TSPAN13: variants seen among roughly 807,000 people sequenced by gnomAD.
The protein encoded by TSPAN13 is tetraspanin 13.
A neutral mutation model predicts 26.9 loss-of-function variants in TSPAN13; 18 were observed. The ratio of observed to expected loss-of-function variants is 0.67; its 90% CI spans 0.46 to 0.99. The LOEUF (loss-of-function observed/expected upper bound fraction) is 0.99, where lower values mean the gene tolerates loss of function less well. TSPAN13 is among the 50% of genes least tolerant of loss of function. TSPAN13 has a pLI of 0.00. For missense variants in TSPAN13, 201 were observed against 249.6 expected (o/e 0.81, Z 1.31); for synonymous variants, 116 against 98.4 (o/e 1.18, Z -1.06).
At chr7:16,774,548 A>G (rs1279797284) in intron 1 of TSPAN13, among the ~76,000 whole-genome samples, 2 of 152,230 alleles carry the variant, frequency 1.3e-5, no homozygotes, top group African/African-American at 4.8e-5. Flanking sequence ...GAAGGGGCAG[A>G]GGACTTTTTC....
intron 1 of TSPAN13, among the ~76,000 whole-genome samples, chr7:16,771,266 A>G (rs1369023049): frequency 6.6e-6 from 1 of 152,214 alleles, no homozygotes; most frequent in African/African-American, 2.4e-5. Context: ...TCAGTGTTTT[A>G]AAATATTTGT....
At chr7:16,776,120 A>G in intron 1 of TSPAN13, 91 bp from the exon 2 acceptor site, 1 of 1,293,782 alleles carries the variant, frequency 7.7e-7, no homozygotes, top group Non-Finnish European at 1.1e-6. Context: ...AGGTGCCTGA[A>G]GGATATTGTT....
chr7:16,772,230 T>C (rs2115331622), intron 1 of TSPAN13, among the ~76,000 whole-genome samples: 1 of 152,274 alleles, frequency 6.6e-6, no homozygotes, highest in Non-Finnish European at 1.5e-5. Flanking sequence ...CCCAGCTACA[T>C]GATAAGGATT....
intron 4 of TSPAN13, among the ~76,000 whole-genome samples, chr7:16,778,445 C>A (rs1386218681): frequency 6.6e-6 from 1 of 152,228 alleles, no homozygotes; most frequent in African/African-American, 2.4e-5. Flanking sequence ...TCAGGCTTGG[C>A]TGGGTCCTTT....
chr7:16,777,229 C>A, intron 3 of TSPAN13, 107 bp downstream of exon 3: 2 of 761,754 alleles, frequency 2.6e-6, no homozygotes, highest in Non-Finnish European at 4.3e-6. Flanking sequence ...GCACAGAATG[C>A]CACCTTCACT....
At position 16,783,696 on chromosome 7, in the gene TSPAN13, T is replaced by C; in HGVS notation, c.*205T>C. ...AAAAATATTTGAAACTTGTGGTCTCTGAAGCTCGGTGGCACCTGGAATTTA... is the reference window on the plus strand; with the variant it reads ...AAAAATATTTGAAACTTGTGGTCTCCGAAGCTCGGTGGCACCTGGAATTTA... On this transcript the variant is annotated 3_prime_UTR_variant, in exon 6 of 6. Coordinates refer to ENST00000262067, the MANE Select transcript of TSPAN13 (RefSeq NM_014399.4). The C allele has an allele frequency of 3.5e-6, 2 of 570,248 alleles. No homozygotes were observed. Among genetic ancestry groups the C allele is most frequent in the Non-Finnish European group, 6.2e-6 (2 of 325,102 alleles). 35.3% of individuals were successfully genotyped at this position (570,248 alleles called of 1,614,324 possible).
intron 1 of TSPAN13, among the ~76,000 whole-genome samples, chr7:16,768,675 G>C (rs1055608411): frequency 1.3e-5 from 2 of 152,168 alleles, no homozygotes; most frequent in Non-Finnish European, 2.9e-5. Context: ...TTAAAGTAGA[G>C]TTTATGGTTT....
At position 16,777,111 on chromosome 7, in the gene TSPAN13, C is replaced by T; in HGVS notation, c.301C>T (p.Gln101Ter). ...SVSCACLALN[Q>*]EQQGQLLEVG... Reference sequence around the variant, plus strand: ...ATCTTGCGCTTGTTTAGCCCTGAACCAGGAGCAACAGGTAAGCTAAGACTT... The same window carrying T: ...ATCTTGCGCTTGTTTAGCCCTGAACTAGGAGCAACAGGTAAGCTAAGACTT... Residue 101 changes from glutamine (Q) to a stop codon, truncating the protein, a stop_gained, in exon 3 of 6, where the codon CAG becomes TAG. Transcript: ENST00000262067. LOFTEE classifies it high-confidence loss of function. 6.2e-7 allele frequency: 1 copy of T among 1,612,672 alleles called. No homozygotes were observed. The highest frequency in any genetic ancestry group is 8.5e-7 in the Non-Finnish European group (1 of 1,178,998).
At chr7:16,778,970 G>T in intron 4 of TSPAN13, 33 bp from the exon 5 acceptor site, 1 of 1,481,800 alleles carries the variant, frequency 6.7e-7, no homozygotes, top group South Asian at 1.2e-5. Flanking sequence ...AATGTATTTT[G>T]AAATAAAGGT....
At chr7:16,776,525 T>G (rs1310263012) in intron 2 of TSPAN13, 147 bp downstream of exon 2, 1 of 762,176 alleles carries the variant, frequency 1.3e-6, no homozygotes, top group African/African-American at 1.8e-5. Context: ...TAGAAACATT[T>G]CTTAGGGTAA....
chr7:16,769,263 G>A (rs1256556928), intron 1 of TSPAN13, among the ~76,000 whole-genome samples: 2 of 152,100 alleles, frequency 1.3e-5, no homozygotes, highest in African/African-American at 4.8e-5. Flanking sequence ...TTGCAGACAT[G>A]GGTGAAAACA....
Position 16,783,605 on chromosome 7 carries a change from T to C in TSPAN13, c.*114T>C. 2 of 901,060 alleles carry C rather than the reference T, an allele frequency of 2.2e-6. No homozygotes were observed. The highest frequency in any genetic ancestry group is 1.5e-5 in the South Asian group (1 of 66,388). 55.8% of individuals were successfully genotyped at this position (901,060 alleles called of 1,614,324 possible). On this transcript the variant is annotated 3_prime_UTR_variant, in exon 6 of 6. Transcript: ENST00000262067. ...GGAAACACTATCTGGAAAAGTACCT[T>C]ATTGATAGTGGAATTATATATTTTT...
Position 16,776,156 on chromosome 7 carries a change from C to G in TSPAN13, c.64-55C>G, listed in dbSNP as rs186086718. 949 of 1,559,460 alleles carry G rather than the reference C, an allele frequency of 6.1e-4. 1 individual carries two copies. The highest frequency in any genetic ancestry group is 1.5e-3 in the Middle Eastern group (9 of 5,852). On this transcript the variant is annotated intron_variant, in intron 1 of 5. Coordinates refer to ENST00000262067, the MANE Select transcript of TSPAN13 (RefSeq NM_014399.4). The stretch of plus-strand genomic sequence containing the variant: ...GATATTTAATTAACTGGCATTTTCC[C>G]CATTCTCTCTCCTCTCTCTCGTCCT...
Position 16,779,177 on chromosome 7 carries a change from A to G in TSPAN13, c.540+61A>G, listed in dbSNP as rs1583796044. 16 of 1,242,398 alleles carry G rather than the reference A, an allele frequency of 1.3e-5. 1 individual carries two copies. The East Asian group carries it at 3.8e-4, about 29-fold the overall frequency. 77.0% of individuals were successfully genotyped at this position (1,242,398 alleles called of 1,614,324 possible). A position where few individuals can be genotyped will look rare whatever the true frequency, so the allele number is the denominator to read the frequency against. ...ACAGAGATTCCTGTTTTGCATGACAAAGGGCCTTGATTCTTGTTATCAGTG... is the reference window on the plus strand; with the variant it reads ...ACAGAGATTCCTGTTTTGCATGACAGAGGGCCTTGATTCTTGTTATCAGTG... On this transcript the variant is annotated intron_variant, in intron 5 of 5. Transcript: ENST00000262067.
chr7:16,771,727 A>C (rs968427038), intron 1 of TSPAN13, among the ~76,000 whole-genome samples: 6 of 152,230 alleles, frequency 3.9e-5, no homozygotes, highest in Non-Finnish European at 8.8e-5. Context: ...AAGGCAATAC[A>C]TTTGTGTTAT....
In TSPAN13 at chr7:16,779,128, T is replaced by C. The variant is rs775259610; in HGVS notation, c.540+12T>C. 1.3e-6 allele frequency: 2 copies of C among 1,591,240 alleles called. No homozygotes were observed. Among genetic ancestry groups the C allele is most frequent in the South Asian group, 2.3e-5 (2 of 88,456 alleles). On this transcript the variant is annotated intron_variant, in intron 5 of 5. Transcript: ENST00000262067. ...TCAGTTTTACAGAGGTATGTGCAAA[T>C]AACAATATTTTTCCTCCTTTGTCAC...
intron 5 of TSPAN13, among the ~76,000 whole-genome samples, chr7:16,780,587 T>G (rs1483623071): frequency 6.6e-6 from 1 of 152,198 alleles, no homozygotes; most frequent in Non-Finnish European, 1.5e-5. Flanking sequence ...AACCATAGAT[T>G]TTTGTTATGA....
At chr7:16,767,871 TTTGTC>T (rs1186709748) in intron 1 of TSPAN13, among the ~76,000 whole-genome samples, 1 of 152,324 alleles carries the variant, frequency 6.6e-6, no homozygotes, top group Admixed American at 6.5e-5. Flanking sequence ...CAGTTTGCTT[TTTGTC>T]TTAAGTTCAT....
At chr7:16,763,155 C>T (rs1784565870) in intron 1 of TSPAN13, among the ~76,000 whole-genome samples, 1 of 152,160 alleles carries the variant, frequency 6.6e-6, no homozygotes, top group South Asian at 2.1e-4. Flanking sequence ...TCCTCTGGCT[C>T]ATTGATTACC....
Sources: gnomAD v4.1 joint callset for allele counts (sites outside exome capture counted in the v4.1 genomes callset) on GRCh38, gnomAD v4.1.1 for gene constraint, MANE v1.5 for transcripts, NCBI Gene and HGNC (gene_info 2026-07-23, HGNC 2026-07-21) for gene names.